FBXO47: variants seen among roughly 807,000 people sequenced by gnomAD.
FBXO47 encodes the protein F-box protein 47, also known as F-box only protein 47.
FBXO47 carries 34 observed loss-of-function variants against 53.9 expected under a neutral mutation model. That is an observed-to-expected ratio of 0.63 (90% CI 0.48 to 0.84). The LOEUF (loss-of-function observed/expected upper bound fraction) is 0.84, where lower values mean the gene tolerates loss of function less well. Among genes scored for constraint, FBXO47 ranks in the 40% least tolerant of loss-of-function variants. The pLI is 0.00. For synonymous variants in FBXO47, 165 were observed against 181.6 expected (o/e 0.91, Z 0.73); for missense variants, 485 against 541.3 (o/e 0.90, Z 1.03).
chr17:38,949,291 G>T (rs1905085986), intron 6 of FBXO47, among the ~76,000 whole-genome samples: 1 of 151,912 alleles, frequency 6.6e-6, no homozygotes, highest in South Asian at 2.1e-4. Flanking sequence ...ATAGTGGTAT[G>T]TGCCTGTAGT....
In FBXO47 at chr17:38,946,955, T is replaced by C. The variant is rs1370811475; in HGVS notation, c.617-1819A>G. 1.3e-4 allele frequency among the ~76,000 whole-genome samples: 15 copies of C among 115,488 alleles called. 1 individual carries two copies. Among genetic ancestry groups the C allele is most frequent in the Middle Eastern group, 4.6e-3 (1 of 218 alleles). 75.8% of individuals were successfully genotyped at this position (115,488 alleles called of 152,430 possible). A position where few individuals can be genotyped will look rare whatever the true frequency, so the allele number is the denominator to read the frequency against. On this transcript the variant is annotated intron_variant, in intron 6 of 10. Coordinates refer to ENST00000378079, the MANE Select transcript of FBXO47 (RefSeq NM_001008777.3). ...ATAAATATATATAAACATATATAAA[T>C]ATATAAACATATATAAATATATGTA...
intron 9 of FBXO47, among the ~76,000 whole-genome samples, chr17:38,939,323 A>AAAAAT (rs1555559726): frequency 4.0e-4 from 20 of 50,148 alleles, no homozygotes; most frequent in African/African-American, 6.8e-4. Flanking sequence ...AAAAAAAAAA[A>AAAAAT]ATATATATAT....
chr17:38,939,207 C>A (rs1289152444), intron 9 of FBXO47, among the ~76,000 whole-genome samples: 1 of 139,636 alleles, frequency 7.2e-6, no homozygotes, highest in Non-Finnish European at 1.5e-5. Context: ...GCAGGAGAAT[C>A]ACTTGAACTC....
intron 4 of FBXO47, among the ~76,000 whole-genome samples, chr17:38,956,294 C>T (rs1240360891): frequency 6.6e-6 from 1 of 151,912 alleles, no homozygotes; most frequent in Non-Finnish European, 1.5e-5. Flanking sequence ...CAAATGCTGA[C>T]ATGAAAAAAT....
intron 3 of FBXO47, among the ~76,000 whole-genome samples, chr17:38,960,280 G>A (rs1305259463): frequency 6.6e-6 from 1 of 151,586 alleles, no homozygotes; most frequent in Non-Finnish European, 1.5e-5. Flanking sequence ...AAAAAAAATA[G>A]TGAAAACAAT....
rs1307708413 is a variant in FBXO47, at chr17:38,942,793, T to C, written c.1068A>G (p.Val356=). 3 of 1,608,240 alleles carry C rather than the reference T, an allele frequency of 1.9e-6. No homozygotes were observed. Among genetic ancestry groups the C allele is most frequent in the South Asian group, 2.2e-5 (2 of 89,512 alleles). The change falls in exon 9 of 11, where the codon GTA becomes GTG. Residue 356 remains valine, a synonymous_variant. Transcript: ENST00000378079. ...TTTTACTTACCAAAGCCAAAAAGAC[T>C]ACGAGCCTTGCCAGTTCAATGGTGC... The part of the protein sequence containing the change: ...NGRTIELARL[V]VFLALVCEKE...
At chr17:38,949,383 G>A (rs991886300) in intron 6 of FBXO47, among the ~76,000 whole-genome samples, 1 of 152,026 alleles carries the variant, frequency 6.6e-6, no homozygotes, top group Non-Finnish European at 1.5e-5. Context: ...CCATACCTCT[G>A]CACTTCAGCC....
At chr17:38,944,423 C>A (rs1342424932) in intron 7 of FBXO47, among the ~76,000 whole-genome samples, 1 of 151,648 alleles carries the variant, frequency 6.6e-6, no homozygotes, top group African/African-American at 2.4e-5. Context: ...AAAAAACTGG[C>A]CAGGCGCGGT....
rs371697709 is a variant in FBXO47, at chr17:38,951,652, C to T, written c.545G>A (p.Arg182His). 15 of 1,613,912 alleles carry T rather than the reference C, an allele frequency of 9.3e-6. No homozygotes were observed. Among genetic ancestry groups the T allele is most frequent in the Admixed American group, 3.3e-5 (2 of 59,980 alleles). The change falls in exon 6 of 11, where the codon CGC becomes CAC. Residue 182 changes from arginine (R) to histidine (H), a missense_variant. By Grantham distance (29) the Arg-to-His change is conservative. Transcript: ENST00000378079. ...TAGWDELECH[R>H]VYNFLCELTN... is the part of the protein sequence containing the mutation. ...CAGTTCGCATAAGAAATTATAAACG[C>T]GATGGCACTCAAGTTCATCCCAACC...
intron 1 of FBXO47, 99 bp from the exon 2 acceptor site, chr17:38,963,150 C>A (rs777012652): frequency 2.9e-6 from 2 of 685,956 alleles, no homozygotes; most frequent in South Asian, 2.1e-5. Flanking sequence ...GTACGATATG[C>A]AATAGCTGTT....
At chr17:38,941,087 TG>T (rs1173070742) in intron 9 of FBXO47, among the ~76,000 whole-genome samples, 1 of 151,822 alleles carries the variant, frequency 6.6e-6, no homozygotes, top group African/African-American at 2.4e-5. Flanking sequence ...CAGACTCAAG[TG>T]ATCTTCCCAC....
chr17:38,962,124 T>A (rs1567723118), intron 2 of FBXO47, 77 bp from the exon 3 acceptor site: 1 of 1,158,176 alleles, frequency 8.6e-7, no homozygotes, highest in East Asian at 2.4e-5. Context: ...GTCTATTAAC[T>A]TATAGGTTAA....
In FBXO47 at chr17:38,967,395, G is replaced by T. The variant is rs1906187350; in HGVS notation, c.-193C>A. On this transcript the variant is annotated 5_prime_UTR_variant, in exon 1 of 11. The change creates a new upstream start codon in the 5' untranslated region. Transcript: ENST00000378079. The stretch of plus-strand genomic sequence containing the variant: ...CACTCCCGTAGGCTCCGGAGCTGCA[G>T]CCCTACCCACCAGGCGTCCCCGCGG... 6.6e-6 allele frequency: 1 copy of T among 152,102 alleles called. No homozygotes were observed. The highest frequency in any genetic ancestry group is 2.1e-4 in the South Asian group (1 of 4,824). 9.4% of individuals were successfully genotyped at this position (152,102 alleles called of 1,614,324 possible).
chr17:38,966,265 G>A (rs1426459833), intron 1 of FBXO47, among the ~76,000 whole-genome samples: 4 of 151,480 alleles, frequency 2.6e-5, no homozygotes, highest in Admixed American at 2.6e-4. Flanking sequence ...GCAGTGGCGC[G>A]ATCTCGGCTC....
rs780281609 is a variant in FBXO47 at position 38,945,040 on chromosome 17, G to C, written c.713C>G (p.Thr238Arg). 1 of 1,613,902 alleles carries C rather than the reference G, an allele frequency of 6.2e-7. No homozygotes were observed. The highest frequency in any genetic ancestry group is 1.7e-5 in the Admixed American group (1 of 59,976). ...CATTGGCCATGGTTTTAATATTCGC[G>C]TCAACCAAAAAGCAGAATCACTTCG... ...THRSDSAFWL[T>R]RILKPWPMVN... The change falls in exon 7 of 11, where the codon ACG becomes AGG. Residue 238 changes from threonine to arginine, a missense_variant. Coordinates refer to ENST00000378079, the MANE Select transcript of FBXO47 (RefSeq NM_001008777.3).
chr17:38,950,821 C>G lies in FBXO47; in HGVS notation c.616+760G>C, dbSNP rs544658711. Among the ~76,000 whole-genome samples, 197 of 152,210 alleles carry G rather than the reference C, an allele frequency of 1.3e-3. 1 individual carries two copies. Among genetic ancestry groups the G allele is most frequent in the African/African-American group, 4.2e-3 (174 of 41,538 alleles). On this transcript the variant is annotated intron_variant, in intron 6 of 10. Coordinates refer to ENST00000378079, the MANE Select transcript of FBXO47 (RefSeq NM_001008777.3). ...GCCCTCTTTCTCCAATCTCATATTG[C>G]TTTTTGCCCCACTGTCTTATTCGAT...
At chr17:38,962,810 CT>C (rs1483742983) in intron 2 of FBXO47, 34 bp downstream of exon 2, 1 of 1,493,968 alleles carries the variant, frequency 6.7e-7, no homozygotes, top group East Asian at 2.3e-5. Context: ...ACTCTAGTGT[CT>C]TGTGTAGGCT....
chr17:38,939,349 T>TATG (rs1281455989), intron 9 of FBXO47, among the ~76,000 whole-genome samples: 1 of 133,786 alleles, frequency 7.5e-6, no homozygotes, highest in Non-Finnish European at 1.6e-5. Flanking sequence ...TATATATGTA[T>TATG]TGAAAACAGT....
chr17:38,945,860 C>T (rs576513747), intron 6 of FBXO47, among the ~76,000 whole-genome samples: 24 of 147,236 alleles, frequency 1.6e-4, no homozygotes, highest in East Asian at 3.9e-4. Flanking sequence ...GGCGTTAACC[C>T]GGGAGGTGGA....
Sources: gnomAD v4.1 joint callset for allele counts (sites outside exome capture counted in the v4.1 genomes callset) on GRCh38, gnomAD v4.1.1 for gene constraint, MANE v1.5 for transcripts, NCBI Gene and HGNC (gene_info 2026-07-23, HGNC 2026-07-21) for gene names.